The following PDE1C variants were observed in gnomAD, a reference collection of about 807,000 sequenced individuals.
PDE1C encodes dual specificity calcium/calmodulin-dependent 3',5'-cyclic nucleotide phosphodiesterase 1C.
Under a neutral mutation model 93.1 loss-of-function variants are expected in PDE1C, and 62 were observed. The observed-to-expected ratio is 0.67, with a 90% CI of 0.54 to 0.82. PDE1C has a LOEUF of 0.82. Among genes scored for constraint, PDE1C ranks in the 40% least tolerant of loss-of-function variants. The probability of loss-of-function intolerance (pLI) is 0.00; values close to 1 mark genes in which losing one functional copy is unlikely to be tolerated. For missense variants in PDE1C, 742 were observed against 884.6 expected (o/e 0.84, Z 2.04); for synonymous variants, 325 against 310.1 (o/e 1.05, Z -0.50).
chr7:32,148,153 T>A (rs991156774), intron 3 of PDE1C, among the ~76,000 whole-genome samples: 7 of 152,142 alleles, frequency 4.6e-5, no homozygotes, highest in African/African-American at 1.7e-4. Context: ...TCACAGGCAA[T>A]CTGTGCTAAT....
intron 1 of PDE1C, among the ~76,000 whole-genome samples, chr7:32,369,076 T>C (rs745539568): frequency 2.6e-5 from 4 of 152,140 alleles, no homozygotes; most frequent in Non-Finnish European, 4.4e-5. Context: ...TCAGGATCTT[T>C]GTCTGGGAAA....
At chr7:32,100,699 C>T (rs867586530) in intron 3 of PDE1C, among the ~76,000 whole-genome samples, 34 of 152,308 alleles carry the variant, frequency 2.2e-4, no homozygotes, top group African/African-American at 7.7e-4. Flanking sequence ...GAGATGACCA[C>T]GTGTACCTAT....
At chr7:32,399,210 CAG>C (rs1784897982) in intron 1 of PDE1C, among the ~76,000 whole-genome samples, 1 of 152,204 alleles carries the variant, frequency 6.6e-6, no homozygotes, top group Non-Finnish European at 1.5e-5. Flanking sequence ...TGTGTGTCCT[CAG>C]AGTTTTGTCC....
chr7:32,354,321 C>T (rs896984359), intron 1 of PDE1C, among the ~76,000 whole-genome samples: 1 of 152,102 alleles, frequency 6.6e-6, no homozygotes, highest in African/African-American at 2.4e-5. Flanking sequence ...GAGATCTCTG[C>T]AGTTTTCTAA....
chr7:31,868,086 T>C (rs1377586339), intron 6 of PDE1C, among the ~76,000 whole-genome samples: 1 of 152,144 alleles, frequency 6.6e-6, no homozygotes, highest in East Asian at 1.9e-4. Context: ...TGGAAATAAG[T>C]GACTGTTTAA....
chr7:32,413,723 T>C (rs963628390), intron 1 of PDE1C, among the ~76,000 whole-genome samples: 2 of 152,170 alleles, frequency 1.3e-5, no homozygotes, highest in African/African-American at 4.8e-5. Context: ...ATGATTAAAA[T>C]AGTAAAGATT....
chr7:32,198,649 G>A (rs12665987), intron 2 of PDE1C, among the ~76,000 whole-genome samples: 12,077 of 152,200 alleles, frequency 0.079, 606 homozygotes, highest in East Asian at 0.14. Flanking sequence ...CGATAAAGAA[G>A]AAAGGGGATG....
intron 16 of PDE1C, among the ~76,000 whole-genome samples, chr7:31,778,088 T>C (rs1049823349): frequency 1.3e-5 from 2 of 152,208 alleles, no homozygotes; most frequent in African/African-American, 4.8e-5. Flanking sequence ...ATTCCAACGA[T>C]GATCTTGTAA....
chr7:31,755,255 T>A (rs921982214), intron 17 of PDE1C, among the ~76,000 whole-genome samples: 1 of 152,214 alleles, frequency 6.6e-6, no homozygotes, highest in Non-Finnish European at 1.5e-5. Flanking sequence ...TATGAATTAA[T>A]ATTTAGCTTA....
chr7:32,222,740 C>G (rs1806967462), intron 1 of PDE1C, among the ~76,000 whole-genome samples: 2 of 151,974 alleles, frequency 1.3e-5, no homozygotes. Context: ...CCAGCTGCTT[C>G]CCAGAGATCT....
In PDE1C at chr7:31,926,274, A is replaced by C. The variant is rs536544623; in HGVS notation, c.129-45414T>G. ...TGAAATAAAATGTTTTCCTACTCAG[A>C]GATTTGTAATGCCAATGTTCAAACC... is the stretch of plus-strand genomic sequence containing the variant. On this transcript the variant is annotated intron_variant, in intron 2 of 17. Transcript: ENST00000396191. Among the ~76,000 whole-genome samples the C allele has an allele frequency of 3.0e-4, 45 of 152,302 alleles. No homozygotes were observed. In the South Asian group the frequency reaches 9.1e-3, roughly 31 times the overall value.
intron 2 of PDE1C, among the ~76,000 whole-genome samples, chr7:32,021,646 C>A (rs959693355): frequency 6.6e-6 from 1 of 151,976 alleles, no homozygotes; most frequent in South Asian, 2.1e-4. Context: ...ATTTTGTGTA[C>A]CAATAAAAAT....
intron 1 of PDE1C, among the ~76,000 whole-genome samples, chr7:32,249,165 G>A (rs1011911848): frequency 9.2e-5 from 14 of 151,990 alleles, no homozygotes; most frequent in African/African-American, 3.1e-4. Flanking sequence ...TGGACAAGAA[G>A]GGTGCTATGG....
At position 32,266,018 on chromosome 7, in the gene PDE1C, TAATCCCAGCACTTTGA is replaced by T. The variant is rs1383451969; in HGVS notation, c.85+32617_85+32632del. On this transcript the variant is annotated intron_variant, in intron 1 of 18. Coordinates refer to the PDE1C transcript ENST00000396193. ...GGCCGGGCGCGGTGGCTCACGCCTG[TAATCCCAGCACTTTGA>T]GAGGCCGAGGCAGGCAGATCATGAG... is the stretch of plus-strand genomic sequence containing the variant. 9.2e-5 allele frequency among the ~76,000 whole-genome samples: 11 copies of T among 119,574 alleles called. 2 individuals carry two copies. In the East Asian group the frequency reaches 2.0e-3, roughly 22 times the overall value. 78.4% of individuals were successfully genotyped at this position (119,574 alleles called of 152,430 possible). A position where few individuals can be genotyped will look rare whatever the true frequency, so the allele number is the denominator to read the frequency against.
chr7:32,257,610 C>G, intron 1 of PDE1C, among the ~76,000 whole-genome samples: 1 of 152,128 alleles, frequency 6.6e-6, no homozygotes. Context: ...GAGTGTTTAC[C>G]ATTATTATTG....
chr7:32,002,930 C>A (rs534235497), intron 2 of PDE1C, among the ~76,000 whole-genome samples: 2 of 152,270 alleles, frequency 1.3e-5, no homozygotes, highest in East Asian at 1.9e-4. Flanking sequence ...AATTGAAATT[C>A]AGTTTCTTTT....
the PDE1C span, among the ~76,000 whole-genome samples, chr7:31,735,790 T>C: frequency 6.6e-6 from 1 of 152,186 alleles, no homozygotes; most frequent in Non-Finnish European, 1.5e-5. Flanking sequence ...TGATAGATTA[T>C]AATTGCAGAA....
At chr7:31,712,260 TC>T in the PDE1C span, among the ~76,000 whole-genome samples, 1 of 149,266 alleles carries the variant, frequency 6.7e-6, no homozygotes, top group African/African-American at 2.5e-5. Context: ...CTGTAGATGA[TC>T]AAAAAATCTA....
chr7:31,664,246 T>C, the PDE1C span, among the ~76,000 whole-genome samples: 13 of 152,316 alleles, frequency 8.5e-5, no homozygotes, highest in African/African-American at 2.9e-4. Flanking sequence ...CCCATGTTTT[T>C]CTAGCTTTCA....
Sources: gnomAD v4.1 joint callset for allele counts (sites outside exome capture counted in the v4.1 genomes callset) on GRCh38, gnomAD v4.1.1 for gene constraint, MANE v1.5 for transcripts, NCBI Gene and HGNC (gene_info 2026-07-23, HGNC 2026-07-21) for gene names.